Variants in TMEM131 observed in about 807,000 individuals in gnomAD.
The protein encoded by TMEM131 is 2610524E03Rik.
A neutral mutation model predicts 211.6 loss-of-function variants in TMEM131; 66 were observed. That is an observed-to-expected ratio of 0.31 (90% CI 0.26 to 0.38). The LOEUF (loss-of-function observed/expected upper bound fraction) is 0.38. Ranked by LOEUF, TMEM131 falls within the 10% of genes least tolerant of loss-of-function variation. The pLI is 1.00. For missense variants in TMEM131, 2,036 were observed against 2,299.3 expected (o/e 0.89, Z 2.34); for synonymous variants, 844 against 841.3 (o/e 1.00, Z -0.06).
rs1006289465 is a variant in TMEM131 at position 97,772,174 on chromosome 2, G to C, written c.4448+123C>G. 2.6e-6 allele frequency: 3 copies of C among 1,132,986 alleles called. No individual in the cohort carries two copies. The African/African-American group carries it at 4.7e-5, about 18-fold the overall frequency. 70.2% of individuals were successfully genotyped at this position (1,132,986 alleles called of 1,614,324 possible). On this transcript the variant is annotated intron_variant, in intron 33 of 40. Coordinates refer to ENST00000186436, the MANE Select transcript of TMEM131 (RefSeq NM_015348.2). ...CAAGAGGAATGTGACGTAGCACCTG[G>C]ATTTTGCTATCAACTCCCCTAAAAG...
chr2:97,774,227 G>T (rs1233892390), intron 32 of TMEM131, among the ~76,000 whole-genome samples: 3 of 152,240 alleles, frequency 2.0e-5, no homozygotes, highest in Non-Finnish European at 4.4e-5. Context: ...TGTAAACCAT[G>T]AGCTTTTCGA....
chr2:97,964,874 T>C (rs1678979595), intron 1 of TMEM131, among the ~76,000 whole-genome samples: 2 of 152,256 alleles, frequency 1.3e-5, no homozygotes, highest in South Asian at 4.1e-4. Flanking sequence ...TCTTGGTCTT[T>C]ACAACCTCAG....
rs559009873 is a variant in TMEM131 at position 97,758,967 on chromosome 2, G to A, written c.5293C>T (p.Leu1765Phe). Residue 1765 changes from leucine to phenylalanine, a missense_variant, in exon 40 of 41, where the codon CTT (leucine) becomes TTT (phenylalanine). Physicochemically the swap from Leu to Phe is conservative, Grantham distance 22. This residue lies in a region of TMEM131 where 1,623 missense variants were observed against 1,805.9 expected (regional missense o/e 0.90). Coordinates refer to ENST00000186436, the MANE Select transcript of TMEM131 (RefSeq NM_015348.2). ...WNEFNSGPSY[L>F]WESPATDPSP... ...GGATCTGTCGCTGGCGACTCCCAAA[G>A]GTATGAAGGGCCACTATTAAACTCG... 21 of 1,614,060 alleles carry A rather than the reference G, an allele frequency of 1.3e-5. No homozygotes were observed. In the African/African-American group the frequency reaches 2.4e-4, roughly 18 times the overall value.
At chr2:97,946,488 T>C (rs1480489082) in intron 1 of TMEM131, among the ~76,000 whole-genome samples, 1 of 151,996 alleles carries the variant, frequency 6.6e-6, no homozygotes, top group African/African-American at 2.4e-5. Context: ...ACTCTCAGTT[T>C]ATGATACGGA....
chr2:97,792,340 C>T (rs1482125227), intron 31 of TMEM131, 46 bp downstream of exon 31: 1 of 1,468,988 alleles, frequency 6.8e-7, no homozygotes. Flanking sequence ...CACGCACTGG[C>T]TTTTCCCTCA....
chr2:97,885,741 T>C (rs1012548885), intron 4 of TMEM131, among the ~76,000 whole-genome samples: 2 of 152,212 alleles, frequency 1.3e-5, no homozygotes, highest in Non-Finnish European at 2.9e-5. Flanking sequence ...TTGACTATAA[T>C]GTGCCTCAGA....
chr2:97,828,063 T>C (rs1366873394), intron 11 of TMEM131, among the ~76,000 whole-genome samples: 3 of 152,218 alleles, frequency 2.0e-5, no homozygotes, highest in Non-Finnish European at 4.4e-5. Context: ...CCTAATAACT[T>C]TGTTACTGTG....
chr2:97,762,214 A>G lies in TMEM131; in HGVS notation c.4724-14T>C, dbSNP rs1168188527. ...GACTATCAGTAGCTGGAAATTAAAA[A>G]CAAACGGGCTCGTTAGTGTGGTGTT... On this transcript the variant is annotated splice_polypyrimidine_tract_variant and intron_variant, in intron 35 of 40. Transcript: ENST00000186436. The G allele has an allele frequency of 3.1e-6, 5 of 1,613,476 alleles. No homozygotes were observed. The highest frequency in any genetic ancestry group is 4.2e-6 in the Non-Finnish European group (5 of 1,179,710).
intron 10 of TMEM131, 51 bp downstream of exon 10, chr2:97,834,570 G>C: frequency 1.6e-6 from 2 of 1,225,950 alleles, no homozygotes; most frequent in Middle Eastern, 2.8e-4. Flanking sequence ...TGAATACAGG[G>C]GTTAAAAAAA....
At chr2:97,832,446 A>G (rs1217953323) in intron 11 of TMEM131, among the ~76,000 whole-genome samples, 1 of 152,174 alleles carries the variant, frequency 6.6e-6, no homozygotes, top group Non-Finnish European at 1.5e-5. Flanking sequence ...ACTAGTGAGG[A>G]AGGTCACTGC....
At chr2:97,815,607 A>G (rs1681786398) in intron 12 of TMEM131, among the ~76,000 whole-genome samples, 1 of 152,186 alleles carries the variant, frequency 6.6e-6, no homozygotes, top group Non-Finnish European at 1.5e-5. Flanking sequence ...CTTTACTTAC[A>G]GCAGAATTTC....
At chr2:97,973,305 C>A (rs1679388416) in intron 1 of TMEM131, among the ~76,000 whole-genome samples, 1 of 152,196 alleles carries the variant, frequency 6.6e-6, no homozygotes, top group South Asian at 2.1e-4. Flanking sequence ...CAGAAACTCA[C>A]ACGAACTGCA....
intron 11 of TMEM131, 136 bp from the exon 12 acceptor site, chr2:97,818,857 T>TAAATG (rs1170286297): frequency 1.7e-6 from 1 of 575,904 alleles, no homozygotes. Context: ...GTTGTCCCTT[T>TAAATG]AAATGGAGTA....
At position 97,954,914 on chromosome 2, in the gene TMEM131, A is replaced by T. The variant is rs148924606; in HGVS notation, c.188-27427T>A. On this transcript the variant is annotated intron_variant, in intron 1 of 40. Transcript: ENST00000186436. ...AATTTTACCAAACATTTTAAAAAGA[A>T]TTAGGGCCAATTTTACATAATCTAG... 3.2e-3 allele frequency among the ~76,000 whole-genome samples: 490 copies of T among 152,122 alleles called. 7 individuals are homozygous for T. In the East Asian group the frequency reaches 0.041, roughly 13 times the overall value.
intron 2 of TMEM131, among the ~76,000 whole-genome samples, chr2:97,913,636 A>G (rs993778154): frequency 6.6e-6 from 1 of 152,260 alleles, no homozygotes; most frequent in Non-Finnish European, 1.5e-5. Context: ...TAAGATGGCC[A>G]TACTTTTATA....
At chr2:97,890,995 T>C (rs1405810459) in intron 3 of TMEM131, among the ~76,000 whole-genome samples, 1 of 152,126 alleles carries the variant, frequency 6.6e-6, no homozygotes, top group Non-Finnish European at 1.5e-5. Flanking sequence ...TAAGGAACAG[T>C]TTAATATCCG....
chr2:97,874,377 C>G (rs1488697402), intron 4 of TMEM131, among the ~76,000 whole-genome samples: 1 of 152,142 alleles, frequency 6.6e-6, no homozygotes, highest in Non-Finnish European at 1.5e-5. Context: ...CAGAGAACAG[C>G]ACAACAACAC....
chr2:97,902,170 C>T (rs1238504810), intron 3 of TMEM131, among the ~76,000 whole-genome samples: 3 of 151,858 alleles, frequency 2.0e-5, no homozygotes, highest in Admixed American at 1.3e-4. Context: ...AAATGTACAA[C>T]ACAGATGGGT....
At chr2:97,853,861 A>T (rs1418589574) in intron 5 of TMEM131, among the ~76,000 whole-genome samples, 1 of 152,178 alleles carries the variant, frequency 6.6e-6, no homozygotes, top group Non-Finnish European at 1.5e-5. Flanking sequence ...TTTCTTAGGG[A>T]TGAGCAAAAA....
Sources: allele counts gnomAD v4.1 joint callset (sites outside exome capture counted in the v4.1 genomes callset), GRCh38; gene constraint gnomAD v4.1.1; regional missense constraint gnomAD v4.1.1; transcripts MANE v1.5; gene names NCBI Gene and HGNC (gene_info 2026-07-23, HGNC 2026-07-21).